The following TRUB1 variants were observed in gnomAD, a reference collection of about 807,000 sequenced individuals.
TRUB1 encodes pseudouridylate synthase TRUB1.
Under a neutral mutation model 33.9 loss-of-function variants are expected in TRUB1, and 23 were observed. That is an observed-to-expected ratio of 0.68 (90% confidence interval 0.49 to 0.96). The LOEUF is 0.96. Among genes scored for constraint, TRUB1 ranks in the 40% least tolerant of loss-of-function variants. The probability of loss-of-function intolerance (pLI) is 0.00; values close to 1 mark genes in which losing one functional copy is unlikely to be tolerated. For missense variants in TRUB1, 378 were observed against 422.2 expected, an observed-to-expected ratio of 0.90 and a Z score of 0.92; for synonymous variants, 163 against 165.4, an observed-to-expected ratio of 0.99 and a Z score of 0.11.
chr10:114,954,678 G>C (rs2084254077), intron 3 of TRUB1, among the ~76,000 whole-genome samples: 1 of 151,890 alleles, frequency 6.6e-6, no homozygotes, highest in African/African-American at 2.4e-5. Flanking sequence ...GATCATTTAG[G>C]ATTATGTGTA....
Position 114,975,227 on chromosome 10 carries a change from A to G in TRUB1, c.898A>G (p.Ile300Val). Residue 300 changes from isoleucine to valine, a missense_variant, in exon 8 of 8, where the codon ATT becomes GTT. By Grantham distance (29) the Ile-to-Val change is conservative. Coordinates refer to ENST00000298746, the MANE Select transcript of TRUB1 (RefSeq NM_139169.5). ...TGAAGACAAATGGACAATTGATGAC[A>G]TTGCACAGTCTCTTGAGCATTGCTC... is the stretch of plus-strand genomic sequence containing the variant. ...LPEDKWTIDD[I>V]AQSLEHCSSL... 8 of 1,613,714 alleles carry G rather than the reference A, an allele frequency of 5.0e-6. No individual in the cohort carries two copies. Among genetic ancestry groups the G allele is most frequent in the African/African-American group, 1.3e-5 (1 of 75,018 alleles).
intron 3 of TRUB1, among the ~76,000 whole-genome samples, chr10:114,956,908 T>TTTTGA (rs1213773778): frequency 6.6e-6 from 1 of 152,136 alleles, no homozygotes; most frequent in African/African-American, 2.4e-5. Context: ...TTTGAGAACA[T>TTTTGA]TTTGATTTGA....
intron 3 of TRUB1, among the ~76,000 whole-genome samples, chr10:114,951,487 A>G (rs2084235101): frequency 6.6e-6 from 1 of 152,230 alleles, no homozygotes; most frequent in African/African-American, 2.4e-5. Context: ...TGGAATTTTT[A>G]TAGAAACAAT....
intron 3 of TRUB1, 150 bp from the exon 4 acceptor site, chr10:114,959,576 T>C (rs1385146728): frequency 1.5e-6 from 1 of 647,690 alleles, no homozygotes; most frequent in Non-Finnish European, 2.7e-6. Context: ...TTTCCACATA[T>C]TAAAAACAAA....
rs1282669228 is a variant in TRUB1 at position 114,955,586 on chromosome 10, T to C, written c.442-4140T>C. On this transcript the variant is annotated intron_variant, in intron 3 of 7. Transcript: ENST00000298746. ...TCCAGTAGTTAAACAAGTGTCATCA[T>C]TGGAGTGAATGAAGTTTCCCCTTCT... Among the ~76,000 whole-genome samples, 4 of 152,178 alleles carry C rather than the reference T, an allele frequency of 2.6e-5. No individual in the cohort carries two copies. In the South Asian group the frequency reaches 8.3e-4, roughly 32 times the overall value.
In TRUB1 at chr10:114,946,352, A is replaced by T. The variant is rs546538512; in HGVS notation, c.385+3609A>T. 3.3e-5 allele frequency among the ~76,000 whole-genome samples: 5 copies of T among 152,000 alleles called. No homozygotes were observed. The East Asian group carries it at 9.7e-4, about 29-fold the overall frequency. On this transcript the variant is annotated intron_variant, in intron 2 of 7. Transcript: ENST00000298746. ...AGGTCTTTTTTATTTTTATTTATTT[A>T]TTTTTTTGAGATGAGTCTTGCTCTT...
intron 7 of TRUB1, 35 bp from the exon 8 acceptor site, chr10:114,975,088 C>A (rs758821065): frequency 1.3e-6 from 2 of 1,580,934 alleles, no homozygotes; most frequent in Non-Finnish European, 1.7e-6. Context: ...AATCGTTTAT[C>A]TTCTGGATTT....
At chr10:114,962,206 C>G (rs932070771) in intron 4 of TRUB1, among the ~76,000 whole-genome samples, 1 of 152,146 alleles carries the variant, frequency 6.6e-6, no homozygotes, top group African/African-American at 2.4e-5. Context: ...CAGGCATGCA[C>G]CACCATGCCT....
At chr10:114,948,185 C>T (rs1236670138) in intron 2 of TRUB1, among the ~76,000 whole-genome samples, 3 of 152,074 alleles carry the variant, frequency 2.0e-5, no homozygotes, top group South Asian at 2.1e-4. Flanking sequence ...TGGAAAACCC[C>T]GTTATTCATC....
At chr10:114,959,611 C>T in intron 3 of TRUB1, 115 bp from the exon 4 acceptor site, 2 of 703,506 alleles carry the variant, frequency 2.8e-6, no homozygotes, top group Non-Finnish European at 2.5e-6. Flanking sequence ...TTGTTTTAGC[C>T]TGTATTTTGT....
rs77166984 is a variant in TRUB1 at position 114,953,646 on chromosome 10, G to C, written c.441+2497G>C. 7.2e-3 allele frequency among the ~76,000 whole-genome samples: 1,101 copies of C among 152,214 alleles called. 18 individuals carry two copies. The highest frequency in any genetic ancestry group is 0.026 in the African/African-American group (1,061 of 41,532). On this transcript the variant is annotated intron_variant, in intron 3 of 7. Coordinates refer to ENST00000298746, the MANE Select transcript of TRUB1 (RefSeq NM_139169.5). ...TTATCAAACAACTTTGTGTTAGTCT[G>C]TTTGTGTTGCTGTAAAGGAGTAGTC...
chr10:114,958,434 A>G (rs2084270633), intron 3 of TRUB1, among the ~76,000 whole-genome samples: 1 of 152,242 alleles, frequency 6.6e-6, no homozygotes, highest in Non-Finnish European at 1.5e-5. Flanking sequence ...AAGGGCCTTA[A>G]GCTGTTATAA....
chr10:114,955,184 T>C (rs2084256382), intron 3 of TRUB1, among the ~76,000 whole-genome samples: 1 of 152,230 alleles, frequency 6.6e-6, no homozygotes, highest in Non-Finnish European at 1.5e-5. Flanking sequence ...TGGCCTAAGT[T>C]GATCTAAGTA....
chr10:114,945,462 G>T (rs1003262305), intron 2 of TRUB1, among the ~76,000 whole-genome samples: 1 of 152,310 alleles, frequency 6.6e-6, no homozygotes, highest in Non-Finnish European at 1.5e-5. Context: ...GCTTGTTTAC[G>T]AATAGATCAA....
chr10:114,960,431 A>G (rs2084280484), intron 4 of TRUB1, among the ~76,000 whole-genome samples: 1 of 152,176 alleles, frequency 6.6e-6, no homozygotes, highest in Admixed American at 6.5e-5. Flanking sequence ...GCAGTTTTCT[A>G]AGTCAGTTCA....
Position 114,975,257 on chromosome 10 carries a change from C to CT in TRUB1, c.932dup (p.Ala313SerfsTer6). 1 of 1,613,636 alleles carries CT rather than the reference C, an allele frequency of 6.2e-7. No homozygotes were observed. The highest frequency in any genetic ancestry group is 8.5e-7 in the Non-Finnish European group (1 of 1,179,718). The stretch of plus-strand genomic sequence containing the variant: ...ACAGTCTCTTGAGCATTGCTCATCT[C>CT]TTTTCCCAGCAGAGTTGGCACTTAA... On this transcript the variant is annotated frameshift_variant, in exon 8 of 8. Transcript: ENST00000298746. LOFTEE classifies it high-confidence loss of function.
At chr10:114,944,778 A>C (rs1203803847) in intron 2 of TRUB1, among the ~76,000 whole-genome samples, 1 of 152,198 alleles carries the variant, frequency 6.6e-6, no homozygotes, top group African/African-American at 2.4e-5. Flanking sequence ...TGAGCCCAAG[A>C]GTCCAAGACC....
At chr10:114,969,112 ATTTT>A (rs1351848167) in intron 4 of TRUB1, among the ~76,000 whole-genome samples, 3 of 149,776 alleles carry the variant, frequency 2.0e-5, no homozygotes, top group Non-Finnish European at 4.4e-5. Context: ...ATAGAACTGT[ATTTT>A]TTGTCTTTTT....
chr10:114,938,492 C>T lies in TRUB1; in HGVS notation c.239C>T (p.Pro80Leu). Residue 80 changes from proline (P) to leucine (L), a missense_variant, in exon 1 of 8, where the codon CCC becomes CTC. Pro to Leu is a moderately conservative substitution (Grantham distance 98). Transcript: ENST00000298746. ...GVFAVHKPKGPTSAELLNRLK... is the reference protein window; with the variant it reads ...GVFAVHKPKGLTSAELLNRLK... Reference sequence around the variant, plus strand: ...TTCGCCGTGCACAAGCCCAAAGGGCCCACTTCAGCCGAGCTGCTGAATCGG... The same window carrying T: ...TTCGCCGTGCACAAGCCCAAAGGGCTCACTTCAGCCGAGCTGCTGAATCGG... 6.4e-7 allele frequency: 1 copy of T among 1,574,020 alleles called. No individual in the cohort carries two copies. Among genetic ancestry groups the T allele is most frequent in the Non-Finnish European group, 8.6e-7 (1 of 1,163,328 alleles).
Sources: gnomAD v4.1 joint callset for allele counts (sites outside exome capture counted in the v4.1 genomes callset) on GRCh38, gnomAD v4.1.1 for gene constraint, MANE v1.5 for transcripts, NCBI Gene and HGNC (gene_info 2026-07-23, HGNC 2026-07-21) for gene names.